Variants in SKAP1 observed in about 807,000 individuals in gnomAD.
The protein encoded by SKAP1 is src kinase associated phosphoprotein 1.
Under a neutral mutation model 58.5 loss-of-function variants are expected in SKAP1, and 44 were observed. That is an observed-to-expected ratio of 0.75 (90% CI 0.59 to 0.97). SKAP1 has a LOEUF of 0.97. Among genes scored for constraint, SKAP1 ranks in the 50% least tolerant of loss-of-function variants. SKAP1 has a pLI of 0.00. For synonymous variants in SKAP1, 127 were observed against 149.7 expected, an observed-to-expected ratio of 0.85 and a Z score of 1.11; for missense variants, 390 against 435.2, an observed-to-expected ratio of 0.90 and a Z score of 0.92.
chr17:48,437,962 G>C, the SKAP1 span, among the ~76,000 whole-genome samples: 2 of 151,910 alleles, frequency 1.3e-5, no homozygotes, highest in Admixed American at 1.3e-4. Context: ...ATCTTTGTTG[G>C]GAAGTGATAT....
intron 1 of SKAP1, among the ~76,000 whole-genome samples, chr17:48,410,285 T>A (rs1009392931): frequency 6.6e-6 from 1 of 152,166 alleles, no homozygotes. Flanking sequence ...ATTGGAGACA[T>A]CAGTAAGAGC....
At chr17:48,151,628 G>A (rs1031442569) in intron 11 of SKAP1, among the ~76,000 whole-genome samples, 5 of 152,174 alleles carry the variant, frequency 3.3e-5, no homozygotes, top group African/African-American at 9.6e-5. Context: ...ACAATTATTC[G>A]GATGGGCTAC....
chr17:48,209,432 A>G (rs1036069356), intron 4 of SKAP1, among the ~76,000 whole-genome samples: 1 of 152,234 alleles, frequency 6.6e-6, no homozygotes, highest in Non-Finnish European at 1.5e-5. Flanking sequence ...ATTAAGGATT[A>G]CCTAAGACAT....
intron 4 of SKAP1, among the ~76,000 whole-genome samples, chr17:48,297,604 A>C (rs2144110619): frequency 6.6e-6 from 1 of 152,324 alleles, no homozygotes; most frequent in Non-Finnish European, 1.5e-5. Flanking sequence ...TCAATGATTA[A>C]AAATATATAT....
intron 1 of SKAP1, among the ~76,000 whole-genome samples, chr17:48,415,733 T>G (rs891566354): frequency 2.6e-5 from 4 of 152,112 alleles, no homozygotes; most frequent in Non-Finnish European, 5.9e-5. Flanking sequence ...TCCCCTTAGA[T>G]GGTCTCTTCC....
chr17:48,157,525 G>A (rs935611800), intron 11 of SKAP1, among the ~76,000 whole-genome samples: 2 of 118,168 alleles, frequency 1.7e-5, no homozygotes, highest in African/African-American at 3.0e-5. Context: ...GTAAGCCACC[G>A]TGCCCGGCCT....
intron 4 of SKAP1, among the ~76,000 whole-genome samples, chr17:48,204,973 T>TTTC (rs1555602828): frequency 3.9e-5 from 3 of 77,294 alleles, no homozygotes; most frequent in Admixed American, 1.4e-4. Context: ...TTTTCTTTTC[T>TTTC]TTTCTTTCTT....
At chr17:48,265,768 G>A (rs183091123) in intron 4 of SKAP1, among the ~76,000 whole-genome samples, 14 of 152,154 alleles carry the variant, frequency 9.2e-5, no homozygotes, top group Non-Finnish European at 1.2e-4. Context: ...TGAAACTAGG[G>A]AGAAAACACC....
chr17:48,209,431 T>C (rs2064845852), intron 4 of SKAP1, among the ~76,000 whole-genome samples: 1 of 152,194 alleles, frequency 6.6e-6, no homozygotes, highest in Non-Finnish European at 1.5e-5. Flanking sequence ...TATTAAGGAT[T>C]ACCTAAGACA....
chr17:48,200,850 A>G (rs1160771536), intron 4 of SKAP1, among the ~76,000 whole-genome samples: 1 of 152,214 alleles, frequency 6.6e-6, no homozygotes, highest in Non-Finnish European at 1.5e-5. Context: ...AGTGCAATTC[A>G]TTATTTGTAT....
chr17:48,177,985 T>C (rs1432348095), intron 9 of SKAP1, among the ~76,000 whole-genome samples: 1 of 152,130 alleles, frequency 6.6e-6, no homozygotes, highest in Non-Finnish European at 1.5e-5. Context: ...AGGTTAAATG[T>C]ACCTACAGAT....
chr17:48,371,229 C>T (rs976536159), intron 2 of SKAP1, among the ~76,000 whole-genome samples: 2 of 152,114 alleles, frequency 1.3e-5, no homozygotes, highest in African/African-American at 4.8e-5. Flanking sequence ...TTCAGCATCA[C>T]ACTATATACC....
intron 2 of SKAP1, among the ~76,000 whole-genome samples, chr17:48,382,102 C>A (rs1196604558): frequency 1.3e-5 from 2 of 151,840 alleles, no homozygotes; most frequent in African/African-American, 4.8e-5. Flanking sequence ...ACCTCACACA[C>A]CTGTTGTAAG....
chr17:48,162,046 A>C (rs1255228457), intron 11 of SKAP1, among the ~76,000 whole-genome samples: 3 of 151,912 alleles, frequency 2.0e-5, no homozygotes, highest in African/African-American at 7.3e-5. Context: ...GCTCACTGCA[A>C]GCTCCGCCTC....
intron 2 of SKAP1, among the ~76,000 whole-genome samples, chr17:48,366,456 G>A (rs1056113793): frequency 1.3e-5 from 2 of 151,458 alleles, no homozygotes; most frequent in Non-Finnish European, 2.9e-5. Context: ...AGAGGAAGGG[G>A]CAGAGGACGG....
At chr17:48,366,780 C>A (rs1271515088) in intron 2 of SKAP1, among the ~76,000 whole-genome samples, 2 of 152,096 alleles carry the variant, frequency 1.3e-5, no homozygotes, top group Non-Finnish European at 2.9e-5. Context: ...ACCCCCAATT[C>A]CTATCATTAC....
intron 4 of SKAP1, chr17:48,294,497 A>G (rs1252354184): frequency 6.6e-6 from 1 of 152,196 alleles, no homozygotes; most frequent in African/African-American, 2.4e-5. Context: ...GAAAGGGTCC[A>G]CACATCCTCC....
intron 4 of SKAP1, among the ~76,000 whole-genome samples, chr17:48,228,644 T>C (rs1291903341): frequency 6.6e-6 from 1 of 152,234 alleles, no homozygotes; most frequent in African/African-American, 2.4e-5. Flanking sequence ...TATCAACTCA[T>C]TCAGGTTTCA....
chr17:48,168,122 TC>T (rs2064162819), intron 10 of SKAP1, among the ~76,000 whole-genome samples: 1 of 151,932 alleles, frequency 6.6e-6, no homozygotes, highest in African/African-American at 2.4e-5. Flanking sequence ...TCATTAACAC[TC>T]AATAAGGATG....
Sources: allele counts gnomAD v4.1 joint callset (sites outside exome capture counted in the v4.1 genomes callset), GRCh38; gene constraint gnomAD v4.1.1; transcripts MANE v1.5; gene names NCBI Gene and HGNC (gene_info 2026-07-23, HGNC 2026-07-21).